SLC9C2: variants seen among roughly 807,000 people sequenced by gnomAD.
The protein encoded by SLC9C2 is sodium/hydrogen exchanger 11.
A neutral mutation model predicts 140.2 loss-of-function variants in SLC9C2; 75 were observed. The ratio of observed to expected loss-of-function variants is 0.53; its 90% CI spans 0.44 to 0.65. The LOEUF is 0.65. Ranked by LOEUF, SLC9C2 falls within the 30% of genes least tolerant of loss-of-function variation. The pLI is 0.00. For missense variants in SLC9C2, 1,074 were observed against 1,331.8 expected, an observed-to-expected ratio of 0.81 and a Z score of 3.01; for synonymous variants, 375 against 420.9, an observed-to-expected ratio of 0.89 and a Z score of 1.34.
intron 11 of SLC9C2, among the ~76,000 whole-genome samples, chr1:173,552,014 C>T (rs1663348598): frequency 6.6e-6 from 1 of 152,094 alleles, no homozygotes; most frequent in Non-Finnish European, 1.5e-5. Context: ...AGTGAACACA[C>T]CAATGGTAAG....
chr1:173,533,501 C>G (rs1269293418), intron 17 of SLC9C2, 108 bp downstream of exon 17: 26 of 762,138 alleles, frequency 3.4e-5, no homozygotes, highest in Non-Finnish European at 5.6e-5. Context: ...TTGTCTCAAA[C>G]TTCTGGACTC....
intron 4 of SLC9C2, among the ~76,000 whole-genome samples, chr1:173,588,663 T>G (rs1423513242): frequency 6.6e-6 from 1 of 152,234 alleles, no homozygotes; most frequent in Admixed American, 6.5e-5. Flanking sequence ...GATATATTTG[T>G]GCCAAAATTT....
chr1:173,553,820 T>C (rs916913887), intron 11 of SLC9C2, among the ~76,000 whole-genome samples: 2 of 152,216 alleles, frequency 1.3e-5, no homozygotes, highest in Admixed American at 6.5e-5. Flanking sequence ...ATGCCTGATA[T>C]GTAAATCTCT....
rs1241393066 is a variant in SLC9C2, at chr1:173,548,452, TTC to T, written c.1396_1397del (p.Glu466LysfsTer7). ...VQNTITLFKTEKILTNVNWTL... is the reference protein window; with the variant it reads ...VQNTITLFKTXKILTNVNWTL... ...TCCAGTTAACATTTGTCAAAATTTTTTCTGTTTTAAATAAAGTTATTGTGTTC... is the reference window on the plus strand; with the variant it reads ...TCCAGTTAACATTTGTCAAAATTTTTTGTTTTAAATAAAGTTATTGTGTTC... On this transcript the variant is annotated frameshift_variant, in exon 12 of 28. Coordinates refer to ENST00000367714, the MANE Select transcript of SLC9C2 (RefSeq NM_178527.4). LOFTEE classifies it high-confidence loss of function. The T allele has an allele frequency of 5.0e-6, 8 of 1,613,818 alleles. No homozygotes were observed. Among genetic ancestry groups the T allele is most frequent in the Non-Finnish European group, 6.8e-6 (8 of 1,179,802 alleles).
chr1:173,517,397 A>G, intron 23 of SLC9C2, 140 bp downstream of exon 23: 1 of 731,754 alleles, frequency 1.4e-6, no homozygotes, highest in Non-Finnish European at 2.1e-6. Flanking sequence ...GTGAGACACT[A>G]AATCTGCCTT....
chr1:173,504,037 C>T (rs893228751), intron 26 of SLC9C2, among the ~76,000 whole-genome samples: 3 of 152,328 alleles, frequency 2.0e-5, no homozygotes, highest in East Asian at 1.9e-4. Context: ...AGGGGGCTGA[C>T]GCTAGACCCT....
In SLC9C2 at chr1:173,547,766, T is replaced by C. The variant is rs1271902800; in HGVS notation, c.1480A>G (p.Asn494Asp). The change falls in exon 13 of 28, where the codon AAT (asparagine) becomes GAT (aspartate). Residue 494 changes from asparagine (N) to aspartate (D), a missense_variant. By Grantham distance (23) the Asn-to-Asp change is conservative. Coordinates refer to ENST00000367714, the MANE Select transcript of SLC9C2 (RefSeq NM_178527.4). ...GTTGTGGATTCTGTCTTCATATCATTATGTGAAACGTGGGAAAACTGAACC... is the reference window on the plus strand; with the variant it reads ...GTTGTGGATTCTGTCTTCATATCATCATGTGAAACGTGGGAAAACTGAACC... ...EYIPFSHVSH[N>D]DMKTESTTDE... The C allele has an allele frequency of 6.2e-7, 1 of 1,610,634 alleles. No homozygotes were observed. Among genetic ancestry groups the C allele is most frequent in the Non-Finnish European group, 8.5e-7 (1 of 1,177,524 alleles).
intron 16 of SLC9C2, among the ~76,000 whole-genome samples, 198 bp from the exon 17 acceptor site, chr1:173,533,995 T>C (rs534968542): frequency 2.0e-5 from 3 of 152,258 alleles, no homozygotes; most frequent in East Asian, 1.9e-4. Flanking sequence ...ATATATACTC[T>C]ATAATAAAGC....
At chr1:173,532,961 A>G (rs968591720) in intron 17 of SLC9C2, among the ~76,000 whole-genome samples, 1 of 152,160 alleles carries the variant, frequency 6.6e-6, no homozygotes, top group African/African-American at 2.4e-5. Flanking sequence ...TAAATTGCTG[A>G]TAAGTACTGT....
chr1:173,510,407 G>A (rs1032976420), intron 23 of SLC9C2, among the ~76,000 whole-genome samples: 2 of 152,138 alleles, frequency 1.3e-5, no homozygotes, highest in Admixed American at 6.5e-5. Context: ...ATGGTGGTTT[G>A]CTGTACCTAT....
rs190414197 is a variant in SLC9C2, at chr1:173,564,936, C to T, written c.1047-7428G>A. On this transcript the variant is annotated intron_variant, in intron 9 of 27. Transcript: ENST00000367714. ...ACAGGCGTGAGCCACCGTGCCTGGCCGGGTAGTTTTCTTTTTTCTTTTTTT... is the reference window on the plus strand; with the variant it reads ...ACAGGCGTGAGCCACCGTGCCTGGCTGGGTAGTTTTCTTTTTTCTTTTTTT... Among the ~76,000 whole-genome samples, 664 of 149,000 alleles carry T rather than the reference C, an allele frequency of 4.5e-3. 5 individuals are homozygous for T. Among genetic ancestry groups the T allele is most frequent in the African/African-American group, 0.016 (630 of 40,616 alleles).
At chr1:173,557,276 G>C in intron 10 of SLC9C2, 64 bp downstream of exon 10, 1 of 1,494,362 alleles carries the variant, frequency 6.7e-7, no homozygotes, top group South Asian at 1.2e-5. Flanking sequence ...TGGGTTCTCT[G>C]ACAAGTGGGC....
At chr1:173,599,296 G>C (rs1364559910) in intron 3 of SLC9C2, among the ~76,000 whole-genome samples, 3 of 149,502 alleles carry the variant, frequency 2.0e-5, no homozygotes, top group African/African-American at 7.4e-5. Flanking sequence ...ATGTGCAGGG[G>C]AAGGAAGCCA....
intron 13 of SLC9C2, among the ~76,000 whole-genome samples, chr1:173,537,668 T>A (rs1364024300): frequency 6.6e-6 from 1 of 151,898 alleles, no homozygotes; most frequent in East Asian, 1.9e-4. Flanking sequence ...ACTCAAAGAG[T>A]TTACTTCAGT....
intron 25 of SLC9C2, among the ~76,000 whole-genome samples, chr1:173,505,851 A>G (rs77449679): frequency 2.0e-5 from 3 of 152,144 alleles, no homozygotes; most frequent in African/African-American, 7.2e-5. Context: ...CTATCTTACC[A>G]TGAAGGAAAT....
intron 4 of SLC9C2, among the ~76,000 whole-genome samples, chr1:173,591,205 T>G (rs1666139028): frequency 6.6e-6 from 1 of 152,216 alleles, no homozygotes; most frequent in Non-Finnish European, 1.5e-5. Context: ...GCAAAAGACA[T>G]GATCTCATTC....
At chr1:173,518,211 C>T (rs1043521717) in intron 22 of SLC9C2, among the ~76,000 whole-genome samples, 9 of 149,772 alleles carry the variant, frequency 6.0e-5, no homozygotes, top group African/African-American at 2.2e-4. Flanking sequence ...TGCAGTGAGC[C>T]AAGATCGTGC....
chr1:173,579,820 A>G lies in SLC9C2; in HGVS notation c.802+2027T>C, dbSNP rs1665409497. ...AACCAAACAACCCTATTCCAACTTG[A>G]AAAGTTGTATGTCAGAAATGGGAGA... On this transcript the variant is annotated intron_variant, in intron 7 of 27. Coordinates refer to ENST00000367714, the MANE Select transcript of SLC9C2 (RefSeq NM_178527.4). Among the ~76,000 whole-genome samples, 4 of 152,346 alleles carry G rather than the reference A, an allele frequency of 2.6e-5. No homozygotes were observed. The South Asian group carries it at 8.3e-4, about 32-fold the overall frequency.
At chr1:173,545,439 G>C (rs1469247385) in intron 13 of SLC9C2, among the ~76,000 whole-genome samples, 2 of 152,188 alleles carry the variant, frequency 1.3e-5, no homozygotes, top group African/African-American at 4.8e-5. Context: ...TGCCCAGATG[G>C]ATTTCAGAAT....
Sources: allele counts gnomAD v4.1 joint callset (sites outside exome capture counted in the v4.1 genomes callset), GRCh38; gene constraint gnomAD v4.1.1; transcripts MANE v1.5; gene names NCBI Gene and HGNC (gene_info 2026-07-23, HGNC 2026-07-21).